ZNRF1: variants seen among roughly 807,000 people sequenced by gnomAD.
ZNRF1 encodes the protein zinc and ring finger 1.
In ZNRF1, 3 loss-of-function variants were observed where a neutral mutation model predicts 18.4. The ratio of observed to expected loss-of-function variants is 0.16; its 90% CI spans 0.07 to 0.42. The LOEUF is 0.42. Ranked by LOEUF, ZNRF1 falls within the 10% of genes least tolerant of loss-of-function variation. ZNRF1 has a pLI of 0.99. For synonymous variants in ZNRF1, 157 were observed against 144.2 expected (o/e 1.09, Z -0.64); for missense variants, 310 against 329.8 (o/e 0.94, Z 0.47).
At position 75,107,901 on chromosome 16, in the gene ZNRF1, T is replaced by G. The variant is rs937678555; in HGVS notation, c.*201T>G. ...GATGAGAGCAAGTTTGAGAGAAGAA[T>G]GAATCAACTGCTATCCTTCCCCTCA... is the stretch of plus-strand genomic sequence containing the variant. On this transcript the variant is annotated 3_prime_UTR_variant, in exon 5 of 5. Coordinates refer to ENST00000335325, the MANE Select transcript of ZNRF1 (RefSeq NM_032268.5). The G allele has an allele frequency of 2.3e-6, 1 of 429,094 alleles. No individual in the cohort carries two copies. Among genetic ancestry groups the G allele is most frequent in the Non-Finnish European group, 4.8e-6 (1 of 209,380 alleles). The allele number at this position is 429,094 out of a possible 1,614,324, so 26.6% of individuals were successfully genotyped here.
chr16:75,004,528 G>A (rs909571695), intron 1 of ZNRF1, among the ~76,000 whole-genome samples: 9 of 152,210 alleles, frequency 5.9e-5, no homozygotes, highest in Non-Finnish European at 1.3e-4. Context: ...GTATATATAT[G>A]TATGCACTTT....
At chr16:75,030,770 TTTC>T (rs1410665065) in intron 1 of ZNRF1, among the ~76,000 whole-genome samples, 29 of 151,800 alleles carry the variant, frequency 1.9e-4, no homozygotes, top group East Asian at 1.9e-4. Flanking sequence ...TAGCATCTGG[TTTC>T]TTTAAGTTAC....
intron 1 of ZNRF1, among the ~76,000 whole-genome samples, chr16:75,032,222 G>A (rs1465793270): frequency 2.0e-5 from 3 of 148,346 alleles, no homozygotes; most frequent in Non-Finnish European, 3.0e-5. Flanking sequence ...CAATTGTCTC[G>A]CCTTAGCCTC....
At chr16:75,072,748 C>T (rs2035884824) in intron 1 of ZNRF1, among the ~76,000 whole-genome samples, 1 of 150,862 alleles carries the variant, frequency 6.6e-6, no homozygotes, top group Non-Finnish European at 1.5e-5. Context: ...CCCATTGAAC[C>T]CCTCCTTTTG....
chr16:75,043,449 C>T (rs1380664872), intron 1 of ZNRF1, among the ~76,000 whole-genome samples: 2 of 152,148 alleles, frequency 1.3e-5, no homozygotes, highest in Non-Finnish European at 2.9e-5. Flanking sequence ...TTGTTTTGAA[C>T]AGGCTGCCTT....
At chr16:75,018,191 T>G (rs899191021) in intron 1 of ZNRF1, among the ~76,000 whole-genome samples, 1 of 152,214 alleles carries the variant, frequency 6.6e-6, no homozygotes, top group Admixed American at 6.5e-5. Context: ...GCTTTATGAT[T>G]TTTTTGAAGA....
At chr16:75,107,499 C>T (rs2036331624) in intron 4 of ZNRF1, 1 of 332,768 alleles carries the variant, frequency 3.0e-6, no homozygotes, top group African/African-American at 2.2e-5. Flanking sequence ...GCTCTTTTTA[C>T]CTCCACCTCA....
At chr16:75,019,320 A>G (rs749707981) in intron 1 of ZNRF1, among the ~76,000 whole-genome samples, 10 of 151,804 alleles carry the variant, frequency 6.6e-5, no homozygotes, top group East Asian at 1.9e-4. Context: ...GAGTACAGGT[A>G]TGAGTCACCA....
chr16:75,042,570 T>G (rs1036415872), intron 1 of ZNRF1, among the ~76,000 whole-genome samples: 1 of 152,262 alleles, frequency 6.6e-6, no homozygotes, highest in South Asian at 2.1e-4. Flanking sequence ...AGTGGTTTAT[T>G]TCTCGGCTTT....
At chr16:75,081,435 G>C (rs1372509226) in intron 1 of ZNRF1, among the ~76,000 whole-genome samples, 3 of 152,192 alleles carry the variant, frequency 2.0e-5, no homozygotes, top group African/African-American at 7.2e-5. Flanking sequence ...TTTACCTAGA[G>C]AGCAGTTTTT....
chr16:75,050,904 A>AAC (rs1567478949), intron 1 of ZNRF1, among the ~76,000 whole-genome samples: 33 of 128,534 alleles, frequency 2.6e-4, no homozygotes, highest in African/African-American at 9.9e-4. Flanking sequence ...AAAAACAAAA[A>AAC]ACTTGTAGCC....
chr16:75,003,493 C>A (rs13338465), intron 1 of ZNRF1, among the ~76,000 whole-genome samples: 3,228 of 152,184 alleles, frequency 0.021, 93 homozygotes, highest in African/African-American at 0.067. Flanking sequence ...CTGTTCTCTC[C>A]CACCCCCATT....
At chr16:75,067,211 C>T (rs2035816779) in intron 1 of ZNRF1, among the ~76,000 whole-genome samples, 1 of 152,142 alleles carries the variant, frequency 6.6e-6, no homozygotes, top group Non-Finnish European at 1.5e-5. Context: ...ACTCAGGGCT[C>T]CCACAGCGCT....
intron 1 of ZNRF1, among the ~76,000 whole-genome samples, chr16:75,068,080 A>G (rs1323722178): frequency 1.3e-5 from 2 of 151,160 alleles, no homozygotes; most frequent in East Asian, 3.9e-4. Context: ...AGGGCCAGGC[A>G]TGGTGGCTCA....
chr16:75,042,525 G>T (rs192341673), intron 1 of ZNRF1, among the ~76,000 whole-genome samples: 6 of 138,602 alleles, frequency 4.3e-5, no homozygotes, highest in Admixed American at 3.9e-4. Context: ...CTTTCTTCCT[G>T]AATTCCCTTG....
rs1043714433 is a variant in ZNRF1, at chr16:75,108,889, G to A, written c.*1189G>A. 1.9e-5 allele frequency: 5 copies of A among 257,462 alleles called. No homozygotes were observed. Among genetic ancestry groups the A allele is most frequent in the African/African-American group, 2.2e-5 (1 of 45,432 alleles). The allele number at this position is 257,462 out of a possible 1,614,324, so 15.9% of individuals were successfully genotyped here. A position where few individuals can be genotyped will look rare whatever the true frequency, so the allele number is the denominator to read the frequency against. On this transcript the variant is annotated 3_prime_UTR_variant, in exon 5 of 5. Transcript: ENST00000335325. ...GGGTGGAGGGAGTGGCAAGTCAGGC[G>A]TGCCTCCTACAAGCTTCCTAACCTC... is the stretch of plus-strand genomic sequence containing the variant.
intron 2 of ZNRF1, among the ~76,000 whole-genome samples, chr16:75,102,289 C>T (rs2036262802): frequency 6.6e-6 from 1 of 152,098 alleles, no homozygotes; most frequent in African/African-American, 2.4e-5. Context: ...CAGTCCCAGC[C>T]CCACAACCCA....
At chr16:75,093,508 C>G in intron 1 of ZNRF1, 64 bp from the exon 2 acceptor site, 1 of 1,310,730 alleles carries the variant, frequency 7.6e-7, no homozygotes, top group East Asian at 2.3e-5. Flanking sequence ...TCGAGAGTGT[C>G]CACATGTACT....
At chr16:75,035,427 T>C (rs542632439) in intron 1 of ZNRF1, among the ~76,000 whole-genome samples, 2 of 152,232 alleles carry the variant, frequency 1.3e-5, no homozygotes, top group African/African-American at 4.8e-5. Context: ...CATGCAATGG[T>C]GCGATCTTGT....
Sources: gnomAD v4.1 joint callset for allele counts (sites outside exome capture counted in the v4.1 genomes callset) on GRCh38, gnomAD v4.1.1 for gene constraint, MANE v1.5 for transcripts, NCBI Gene and HGNC (gene_info 2026-07-23, HGNC 2026-07-21) for gene names.